Variants in C4orf51 observed in about 807,000 individuals in gnomAD.
C4orf51 encodes the protein chromosome 4 open reading frame 51, also known as uncharacterized protein C4orf51.
In C4orf51, 25 loss-of-function variants were observed where a neutral mutation model predicts 25.2. That is an observed-to-expected ratio of 0.99 (90% CI 0.72 to 1.39). The LOEUF (loss-of-function observed/expected upper bound fraction) is 1.39. Ranked by LOEUF, C4orf51 falls within the 40% of genes most tolerant of loss-of-function variation. C4orf51 has a pLI of 0.00. For synonymous variants in C4orf51, 100 were observed against 84.5 expected (o/e 1.18, Z -1.01); for missense variants, 252 against 239.6 (o/e 1.05, Z -0.34).
rs1472113219 is a variant in C4orf51 at position 145,763,190 on chromosome 4, A to C, written n.167-7798A>C. On this transcript the variant is annotated intron_variant and non_coding_transcript_variant, in intron 1 of 1. Coordinates refer to the C4orf51 transcript ENST00000510096. This position sits in a 1 kb window ranked among gnomAD's most constrained non-coding sequence, Gnocchi z 4.6. The stretch of plus-strand genomic sequence containing the variant: ...CATTATGAACAGGATATAGAGTACA[A>C]GCAGTTCCATCACAGAAAAGCAATT... 6.8e-7 allele frequency: 1 copy of C among 1,480,914 alleles called. No individual in the cohort carries two copies. Among genetic ancestry groups the C allele is most frequent in the Non-Finnish European group, 9.1e-7 (1 of 1,104,338 alleles). 91.7% of individuals were successfully genotyped at this position (1,480,914 alleles called of 1,614,324 possible).
At chr4:145,785,730 G>C in the C4orf51 span, among the ~76,000 whole-genome samples, 2 of 152,194 alleles carry the variant, frequency 1.3e-5, no homozygotes, top group Non-Finnish European at 2.9e-5. Context: ...CTCTGGGAGA[G>C]CAGAGACAGA....
chr4:145,701,071 C>T (rs1306454808), intron 2 of C4orf51, among the ~76,000 whole-genome samples: 2 of 152,084 alleles, frequency 1.3e-5, no homozygotes, highest in African/African-American at 2.4e-5. Flanking sequence ...CAGCAGCAAC[C>T]CTGAGACGCT....
chr4:145,753,552 C>T (rs79200779), intron 1 of C4orf51, among the ~76,000 whole-genome samples: 1,836 of 152,224 alleles, frequency 0.012, 34 homozygotes, highest in African/African-American at 0.042. Flanking sequence ...ATGAGTGCAC[C>T]TACTCCTTGT....
At chr4:145,725,795 T>C (rs1730138898) in intron 2 of C4orf51, among the ~76,000 whole-genome samples, 1 of 152,180 alleles carries the variant, frequency 6.6e-6, no homozygotes, top group Admixed American at 6.5e-5. Flanking sequence ...GGATTAACTA[T>C]AAATGAGCAA....
rs144486285 is a variant in C4orf51, at chr4:145,769,890, A to G, written n.167-1098A>G. On this transcript the variant is annotated intron_variant and non_coding_transcript_variant, in intron 1 of 1. Transcript: ENST00000510096. ...GGAAATTGAAACCATAAAAAAAATT[A>G]CCAATCATCTTGCTTCCTCAATACA... is the stretch of plus-strand genomic sequence containing the variant. Among the ~76,000 whole-genome samples the G allele has an allele frequency of 8.8e-4, 134 of 152,362 alleles. 1 individual carries two copies. The East Asian group carries it at 0.025, about 29-fold the overall frequency.
At chr4:145,690,529 T>C (rs1029935499) in intron 1 of C4orf51, among the ~76,000 whole-genome samples, 6 of 151,836 alleles carry the variant, frequency 4.0e-5, no homozygotes, top group African/African-American at 1.5e-4. Flanking sequence ...ATAATAATCC[T>C]AGAAGAAAAC....
At chr4:145,789,939 T>C in the C4orf51 span, among the ~76,000 whole-genome samples, 6 of 152,258 alleles carry the variant, frequency 3.9e-5, no homozygotes, top group Non-Finnish European at 7.3e-5. Flanking sequence ...AACTCCTCTT[T>C]GGCCTCTTCT....
chr4:145,682,768 C>T (rs1478977747), intron 1 of C4orf51, among the ~76,000 whole-genome samples: 1 of 152,024 alleles, frequency 6.6e-6, no homozygotes, highest in East Asian at 1.9e-4. Flanking sequence ...AGACCTTAAG[C>T]TATTATGAAA....
the C4orf51 span, chr4:145,779,281 G>A: frequency 6.8e-7 from 1 of 1,476,438 alleles, no homozygotes; most frequent in Non-Finnish European, 9.0e-7. Flanking sequence ...AGCACTTCCT[G>A]TAATGCCTCT....
intron 1 of C4orf51, among the ~76,000 whole-genome samples, chr4:145,681,133 A>G (rs1407087817): frequency 6.6e-6 from 1 of 152,212 alleles, no homozygotes; most frequent in Non-Finnish European, 1.5e-5. Flanking sequence ...AAGGAGCTGC[A>G]AGGAGCTAAG....
intron 2 of C4orf51, among the ~76,000 whole-genome samples, chr4:145,726,331 C>T (rs753371157): frequency 3.3e-5 from 5 of 152,096 alleles, no homozygotes; most frequent in African/African-American, 4.8e-5. Context: ...ATTCAAAATC[C>T]TTTCTTGTAG....
At chr4:145,693,519 T>C (rs879592148) in intron 1 of C4orf51, among the ~76,000 whole-genome samples, 3 of 152,042 alleles carry the variant, frequency 2.0e-5, no homozygotes, top group Non-Finnish European at 4.4e-5. Flanking sequence ...GCCATTGTCA[T>C]CCTGGCCCGT....
intron 2 of C4orf51, among the ~76,000 whole-genome samples, chr4:145,699,690 C>T (rs553836621): frequency 6.1e-4 from 93 of 152,306 alleles, no homozygotes; most frequent in African/African-American, 2.0e-3. Flanking sequence ...TGTCAGACCA[C>T]GCAGGGAAGC....
intron 1 of C4orf51, among the ~76,000 whole-genome samples, chr4:145,681,295 A>T (rs1360060170): frequency 6.6e-6 from 1 of 152,248 alleles, no homozygotes; most frequent in Non-Finnish European, 1.5e-5. Context: ...ACTTCAGATA[A>T]GAGCAATAAC....
At chr4:145,701,790 G>A (rs1012147775) in intron 2 of C4orf51, among the ~76,000 whole-genome samples, 2 of 151,814 alleles carry the variant, frequency 1.3e-5, no homozygotes, top group African/African-American at 4.8e-5. Flanking sequence ...GTGCCAACTT[G>A]GACAACACTC....
At chr4:145,720,040 C>T (rs1578985131) in intron 2 of C4orf51, among the ~76,000 whole-genome samples, 1 of 152,046 alleles carries the variant, frequency 6.6e-6, no homozygotes, top group East Asian at 1.9e-4. Context: ...CCCCCTTGTT[C>T]TGTGGTTGGA....
chr4:145,774,674 TA>T (rs764298981), downstream of C4orf51: 2 of 1,612,794 alleles, frequency 1.2e-6, no homozygotes, highest in Non-Finnish European at 1.7e-6. Flanking sequence ...ACGTGACAAC[TA>T]CATGAAAGGG....
rs934606215 is a variant in C4orf51 at position 145,763,372 on chromosome 4, G to GAAACA, written n.167-7598_167-7594dup. 4.6e-5 allele frequency among the ~76,000 whole-genome samples: 7 copies of GAAACA among 152,148 alleles called. No homozygotes were observed. The highest frequency in any genetic ancestry group is 8.8e-5 in the Non-Finnish European group (6 of 68,032). On this transcript the variant is annotated intron_variant and non_coding_transcript_variant, in intron 1 of 1. Coordinates refer to the C4orf51 transcript ENST00000510096. This position sits in a 1 kb window ranked among gnomAD's most constrained non-coding sequence, Gnocchi z 4.6. ...AAATTAATTCTCTGATATGGCAAAG[G>GAAACA]AAACAAAACAAAACAAAACAAAGAC...
intron 4 of C4orf51, 96 bp from the exon 5 acceptor site, chr4:145,729,796 T>G: frequency 1.0e-6 from 1 of 994,688 alleles, no homozygotes; most frequent in South Asian, 1.3e-5. Context: ...TTGGATCTAT[T>G]GATTTAAAAC....
Sources: allele counts gnomAD v4.1 joint callset (sites outside exome capture counted in the v4.1 genomes callset), GRCh38; gene constraint gnomAD v4.1.1; non-coding constraint Gnocchi (gnomAD v3.1); transcripts MANE v1.5; gene names NCBI Gene and HGNC (gene_info 2026-07-23, HGNC 2026-07-21).